Variants in HECW1 observed in about 807,000 individuals in gnomAD.
HECW1 encodes E3 ubiquitin-protein ligase HECW1.
HECW1 carries 61 observed loss-of-function variants against 182.3 expected under a neutral mutation model. That is an observed-to-expected ratio of 0.33 (90% CI 0.27 to 0.41). The LOEUF (loss-of-function observed/expected upper bound fraction) is 0.41, where lower values mean the gene tolerates loss of function less well. Among genes scored for constraint, HECW1 ranks in the 10% least tolerant of loss-of-function variants. The probability of loss-of-function intolerance (pLI) is 1.00; values close to 1 mark genes in which losing one functional copy is unlikely to be tolerated. For synonymous variants in HECW1, 859 were observed against 832.6 expected, an observed-to-expected ratio of 1.03 and a Z score of -0.55; for missense variants, 1,739 against 2,108.9, an observed-to-expected ratio of 0.82 and a Z score of 3.44.
At chr7:43,411,311 C>A (rs2075796418) in intron 8 of HECW1, among the ~76,000 whole-genome samples, 1 of 151,938 alleles carries the variant, frequency 6.6e-6, no homozygotes. Flanking sequence ...TTGTTACTGA[C>A]TTTTAATTTT....
chr7:43,114,288 C>T lies in HECW1; in HGVS notation c.-135C>T, dbSNP rs1364708792. 16 of 1,363,936 alleles carry T rather than the reference C, an allele frequency of 1.2e-5. No individual in the cohort carries two copies. The highest frequency in any genetic ancestry group is 1.4e-5 in the Non-Finnish European group (15 of 1,034,738). 84.5% of individuals were successfully genotyped at this position (1,363,936 alleles called of 1,614,324 possible). Reference sequence around the variant, plus strand: ...GGGCAGATGCCCTACCCGAAAAGGCCAACCGTTAAAGACCCCGGCAGTGTT... The same window carrying T: ...GGGCAGATGCCCTACCCGAAAAGGCTAACCGTTAAAGACCCCGGCAGTGTT... On this transcript the variant is annotated 5_prime_UTR_variant, in exon 2 of 30. Coordinates refer to ENST00000395891, the MANE Select transcript of HECW1 (RefSeq NM_015052.5).
At chr7:43,425,307 TAGA>T (rs2076326496) in intron 8 of HECW1, among the ~76,000 whole-genome samples, 1 of 137,248 alleles carries the variant, frequency 7.3e-6, no homozygotes, top group African/African-American at 3.1e-5. Context: ...AGATAGATGA[TAGA>T]TAGATAGATA....
chr7:43,123,198 A>C (rs1785820149), intron 2 of HECW1, among the ~76,000 whole-genome samples: 1 of 152,240 alleles, frequency 6.6e-6, no homozygotes, highest in Non-Finnish European at 1.5e-5. Flanking sequence ...GAATGAATCC[A>C]CAGCACATTT....
chr7:43,481,153 G>T (rs1459112627), intron 17 of HECW1, among the ~76,000 whole-genome samples: 1 of 152,164 alleles, frequency 6.6e-6, no homozygotes, highest in Admixed American at 6.5e-5. Context: ...GGATTTGCTA[G>T]ATGCAGACGT....
intron 2 of HECW1, among the ~76,000 whole-genome samples, chr7:43,202,880 A>T (rs899777619): frequency 6.6e-5 from 10 of 152,132 alleles, no homozygotes; most frequent in Non-Finnish European, 1.3e-4. Context: ...GAAGCTCCCC[A>T]ACGGAGCACC....
chr7:43,224,438 G>C (rs779731489), intron 2 of HECW1, among the ~76,000 whole-genome samples: 5 of 152,178 alleles, frequency 3.3e-5, no homozygotes, highest in African/African-American at 1.2e-4. Context: ...AGCTGAGTTC[G>C]GGGATGTGGC....
chr7:43,229,778 C>T (rs116605843), intron 2 of HECW1, among the ~76,000 whole-genome samples: 2,186 of 152,278 alleles, frequency 0.014, 54 homozygotes, highest in African/African-American at 0.05. Context: ...CCACAAGATA[C>T]TCATTATTTA....
At chr7:43,304,111 G>GC (rs1807214657) in intron 3 of HECW1, among the ~76,000 whole-genome samples, 1 of 152,174 alleles carries the variant, frequency 6.6e-6, no homozygotes, top group Admixed American at 6.5e-5. Flanking sequence ...TCTTGTGCCT[G>GC]CCATTGGGTT....
At chr7:43,158,835 C>G (rs2152654202) in intron 2 of HECW1, among the ~76,000 whole-genome samples, 1 of 152,318 alleles carries the variant, frequency 6.6e-6, no homozygotes, top group East Asian at 1.9e-4. Context: ...AAAACCAATT[C>G]AAGTGTCTCA....
chr7:43,144,751 A>G (rs1290452838), intron 2 of HECW1, among the ~76,000 whole-genome samples: 3 of 151,886 alleles, frequency 2.0e-5, no homozygotes, highest in Non-Finnish European at 4.4e-5. Context: ...CATCTTGTAT[A>G]TTTCTTGTTT....
intron 6 of HECW1, among the ~76,000 whole-genome samples, chr7:43,393,190 G>A (rs767525694): frequency 6.6e-6 from 1 of 152,120 alleles, no homozygotes; most frequent in African/African-American, 2.4e-5. Context: ...AGAGAGGGGG[G>A]GCAACAGGAC....
rs2077001858 is a variant in HECW1, at chr7:43,445,006, G to T, written c.1834G>T (p.Ala612Ser). The T allele has an allele frequency of 1.3e-6, 2 of 1,557,336 alleles. No individual in the cohort carries two copies. The highest frequency in any genetic ancestry group is 8.7e-7 in the Non-Finnish European group (1 of 1,150,558). The change falls in exon 11 of 30, where the codon GCC becomes TCC. Residue 612 changes from alanine (A) to serine (S), a missense_variant. By Grantham distance (99) the Ala-to-Ser change is moderately conservative (BLOSUM62 1). Coordinates refer to ENST00000395891, the MANE Select transcript of HECW1 (RefSeq NM_015052.5). ...GGACACGGTGGCCGCTGACCCGTCT[G>T]CCCTGGAAGAGGACAGAGAAGAGCC... ...EVDTVAADPS[A>S]LEEDREEPEG...
chr7:43,524,643 C>T (rs1226116791), intron 24 of HECW1, among the ~76,000 whole-genome samples: 1 of 152,188 alleles, frequency 6.6e-6, no homozygotes. Context: ...ACATTATTAT[C>T]CCTTATTTGT....
chr7:43,273,874 G>A (rs1461689363), intron 3 of HECW1, among the ~76,000 whole-genome samples: 2 of 143,736 alleles, frequency 1.4e-5, no homozygotes, highest in African/African-American at 5.2e-5. Flanking sequence ...TTTTTTTTGA[G>A]ATGGAGTCTC....
At chr7:43,538,932 G>C (rs2081272068) in intron 24 of HECW1, among the ~76,000 whole-genome samples, 2 of 152,020 alleles carry the variant, frequency 1.3e-5, no homozygotes. Context: ...GCTTTATTTT[G>C]TTAAGGAAGC....
Position 43,308,113 on chromosome 7 carries a change from A to T in HECW1, c.28-3650A>T, listed in dbSNP as rs1479067600. 5.5e-3 allele frequency among the ~76,000 whole-genome samples: 580 copies of T among 105,356 alleles called. 6 individuals are homozygous for T. The highest frequency in any genetic ancestry group is 0.023 in the African/African-American group (563 of 25,006). 69.1% of individuals were successfully genotyped at this position (105,356 alleles called of 152,430 possible). A position where few individuals can be genotyped will look rare whatever the true frequency, so the allele number is the denominator to read the frequency against. ...TATTATATATGTTATATATAATATA[A>T]CATATAATATATTTATATATAATAT... On this transcript the variant is annotated intron_variant, in intron 3 of 29. Coordinates refer to ENST00000395891, the MANE Select transcript of HECW1 (RefSeq NM_015052.5).
At chr7:43,394,071 A>C (rs1562928192) in intron 6 of HECW1, among the ~76,000 whole-genome samples, 1 of 152,148 alleles carries the variant, frequency 6.6e-6, no homozygotes, top group African/African-American at 2.4e-5. Flanking sequence ...ATTGATTGTT[A>C]ATTGTCCTGG....
chr7:43,253,692 G>A (rs1045055023), intron 3 of HECW1, among the ~76,000 whole-genome samples: 1 of 152,108 alleles, frequency 6.6e-6, no homozygotes, highest in African/African-American at 2.4e-5. Flanking sequence ...GATCACCTGA[G>A]GTCAGGAGTT....
rs1054224681 is a variant in HECW1 at position 43,168,707 on chromosome 7, G to T, written c.-32+54316G>T. Among the ~76,000 whole-genome samples the T allele has an allele frequency of 4.6e-5, 7 of 152,072 alleles. No homozygotes were observed. The East Asian group carries it at 1.3e-3, about 29-fold the overall frequency. On this transcript the variant is annotated intron_variant, in intron 2 of 29. Transcript: ENST00000395891. The stretch of plus-strand genomic sequence containing the variant: ...ATAATAGTATGTATTAATCAATAGG[G>T]ATAAGAGACACATACATAGACAGAC...
Sources: allele counts gnomAD v4.1 joint callset (sites outside exome capture counted in the v4.1 genomes callset), GRCh38; gene constraint gnomAD v4.1.1; transcripts MANE v1.5; gene names NCBI Gene and HGNC (gene_info 2026-07-23, HGNC 2026-07-21).